SPATA31G1: variants seen among roughly 807,000 people sequenced by gnomAD.
The protein encoded by SPATA31G1 is SPATA31 subfamily G member 1.
the SPATA31G1 span, chr9:35,044,772 C>T: frequency 1.2e-5 from 20 of 1,614,070 alleles, no homozygotes; most frequent in Non-Finnish European, 1.7e-5. Context: ...AAGAGAAGTT[C>T]CCCAAGGCCC....
the SPATA31G1 span, chr9:35,042,245 G>A: frequency 2.5e-6 from 4 of 1,613,414 alleles, no homozygotes; most frequent in Non-Finnish European, 3.4e-6. Context: ...CTGCCAGAAG[G>A]CTAAGGGAAA....
At chr9:35,042,303 C>A in the SPATA31G1 span, 1 of 1,614,180 alleles carries the variant, frequency 6.2e-7, no homozygotes, top group East Asian at 2.2e-5. Context: ...GGATATGGGG[C>A]TTCTCTGGGG....
the SPATA31G1 span, chr9:35,044,558 G>T: frequency 2.8e-4 from 451 of 1,614,108 alleles, no homozygotes; most frequent in Non-Finnish European, 3.7e-4. Flanking sequence ...TCCCAGGTAG[G>T]GGCTCCAGCC....
chr9:35,043,444 T>C, the SPATA31G1 span: 1 of 1,614,204 alleles, frequency 6.2e-7, no homozygotes, highest in Non-Finnish European at 8.5e-7. Flanking sequence ...GATCCTCAGC[T>C]GCTTCCACCT....
chr9:35,045,792 C>T, the SPATA31G1 span: 1 of 1,614,160 alleles, frequency 6.2e-7, no homozygotes, highest in East Asian at 2.2e-5. Flanking sequence ...CAAGGCTTCC[C>T]TTACCAGGGG....
At chr9:35,042,911 G>C in the SPATA31G1 span, 1 of 1,614,176 alleles carries the variant, frequency 6.2e-7, no homozygotes, top group Non-Finnish European at 8.5e-7. Context: ...TGTGTAAGCA[G>C]AAATCAGAAG....
chr9:35,042,484 A>G, the SPATA31G1 span: 2 of 1,614,210 alleles, frequency 1.2e-6, no homozygotes, highest in Non-Finnish European at 1.7e-6. Flanking sequence ...GTGCAAGGCA[A>G]GGTGGGTGAC....
chr9:35,044,345 G>A, the SPATA31G1 span: 2 of 1,613,964 alleles, frequency 1.2e-6, no homozygotes, highest in Non-Finnish European at 1.7e-6. Context: ...CACCGGAGCT[G>A]CTCAGAGTTA....
chr9:35,042,657 A>C, the SPATA31G1 span: 13 of 1,193,974 alleles, frequency 1.1e-5, no homozygotes, highest in Non-Finnish European at 1.5e-5. Context: ...TTCTAGATGT[A>C]GAATGAGGGA....
At chr9:35,042,922 T>C in the SPATA31G1 span, 4 of 1,613,820 alleles carry the variant, frequency 2.5e-6, no homozygotes, top group Admixed American at 6.7e-5. Flanking sequence ...AAATCAGAAG[T>C]GGAGGAAGAA....
the SPATA31G1 span, chr9:35,045,714 C>G: frequency 6.2e-7 from 1 of 1,614,250 alleles, no homozygotes; most frequent in Non-Finnish European, 8.5e-7. Flanking sequence ...AAGTGACATC[C>G]TGACCCCTCG....
the SPATA31G1 span, chr9:35,042,348 G>C: frequency 6.2e-7 from 1 of 1,614,222 alleles, no homozygotes; most frequent in Non-Finnish European, 8.5e-7. Flanking sequence ...CAGACACTGC[G>C]GCAGCAGCTG....
chr9:35,045,523 T>A, the SPATA31G1 span: 1 of 1,614,120 alleles, frequency 6.2e-7, no homozygotes, highest in South Asian at 1.1e-5. Flanking sequence ...AGGTTGGGGT[T>A]ATCCACAGTC....
At chr9:35,042,291 G>T in the SPATA31G1 span, 3 of 1,614,202 alleles carry the variant, frequency 1.9e-6, no homozygotes, top group East Asian at 2.2e-5. Context: ...TGGGGCTAAG[G>T]GGGATATGGG....
chr9:35,043,477 C>T, the SPATA31G1 span: 40 of 1,614,176 alleles, frequency 2.5e-5, no homozygotes, highest in South Asian at 3.7e-4. Flanking sequence ...TCTGTCTCAT[C>T]ACTACTCCTC....
chr9:35,045,678 G>T, the SPATA31G1 span: 1 of 1,614,146 alleles, frequency 6.2e-7, no homozygotes, highest in South Asian at 1.1e-5. Flanking sequence ...GGGTCCCCAG[G>T]ATCAGCCAGA....
chr9:35,042,377 T>C, the SPATA31G1 span: 1 of 1,614,194 alleles, frequency 6.2e-7, no homozygotes, highest in Non-Finnish European at 8.5e-7. Flanking sequence ...GTCCAGGAAA[T>C]CTGGTGACAC....
chr9:35,044,885 A>G, the SPATA31G1 span: 11 of 1,613,994 alleles, frequency 6.8e-6, no homozygotes, highest in Non-Finnish European at 9.3e-6. Flanking sequence ...CCAAGGGAGT[A>G]ACGTGCCCAG....
At chr9:35,043,391 C>A in the SPATA31G1 span, 1 of 1,614,196 alleles carries the variant, frequency 6.2e-7, no homozygotes, top group South Asian at 1.1e-5. Flanking sequence ...AGTTTTCTAC[C>A]CATGGGGCCC....
Sources: allele counts gnomAD v4.1 joint callset, GRCh38; gene constraint gnomAD v4.1.1; transcripts MANE v1.5; gene names NCBI Gene and HGNC (gene_info 2026-07-23, HGNC 2026-07-21).